The following C2CD3 variants were observed in gnomAD, a reference collection of about 807,000 sequenced individuals.
C2CD3 encodes C2 domain containing 3 centriole elongation regulator, also known as C2 domain-containing protein 3.
C2CD3 carries 148 observed loss-of-function variants against 234.0 expected under a neutral mutation model. The observed-to-expected ratio is 0.63, with a 90% CI of 0.55 to 0.72. C2CD3 has a LOEUF of 0.72. Among genes scored for constraint, C2CD3 ranks in the 30% least tolerant of loss-of-function variants. C2CD3 has a pLI of 0.00. For synonymous variants in C2CD3, 1,000 were observed against 1,035.4 expected, an observed-to-expected ratio of 0.97 and a Z score of 0.66; for missense variants, 2,577 against 2,811.5, an observed-to-expected ratio of 0.92 and a Z score of 1.89.
chr11:74,030,282 T>C (rs113475842), intron 31 of C2CD3, among the ~76,000 whole-genome samples: 192 of 152,330 alleles, frequency 1.3e-3, no homozygotes, highest in African/African-American at 4.4e-3. Flanking sequence ...AATTTATATA[T>C]GTAAAGTGCC....
intron 11 of C2CD3, among the ~76,000 whole-genome samples, chr11:74,112,654 T>G (rs1191086865): frequency 6.6e-6 from 1 of 152,052 alleles, no homozygotes; most frequent in Non-Finnish European, 1.5e-5. Context: ...AATAGACATT[T>G]CTCCAAAGAA....
intron 16 of C2CD3, 53 bp from the exon 17 acceptor site, chr11:74,095,461 A>T: frequency 7.1e-7 from 1 of 1,404,396 alleles, no homozygotes; most frequent in Non-Finnish European, 9.9e-7. Context: ...CTTGCTTAGA[A>T]TATTTCTGCT....
At chr11:74,125,331 C>T (rs1344280131) in intron 7 of C2CD3, among the ~76,000 whole-genome samples, 3 of 152,152 alleles carry the variant, frequency 2.0e-5, no homozygotes, top group South Asian at 2.1e-4. Context: ...ATACACTCGG[C>T]TAATTAAAAA....
At chr11:74,116,502 AG>A (rs1956930956) in intron 9 of C2CD3, among the ~76,000 whole-genome samples, 1 of 152,036 alleles carries the variant, frequency 6.6e-6, no homozygotes, top group South Asian at 2.1e-4. Context: ...TGTGGTGAAA[AG>A]GGAACACTAT....
intron 29 of C2CD3, among the ~76,000 whole-genome samples, chr11:74,039,278 G>C (rs1255454461): frequency 2.0e-5 from 3 of 152,190 alleles, no homozygotes; most frequent in African/African-American, 7.2e-5. Context: ...GTGAAACACA[G>C]GTTTATTAAT....
chr11:74,138,520 T>C (rs1246716478), intron 5 of C2CD3, among the ~76,000 whole-genome samples, 200 bp downstream of exon 5: 1 of 152,240 alleles, frequency 6.6e-6, no homozygotes, highest in African/African-American at 2.4e-5. Flanking sequence ...TTATAAGCAC[T>C]GAGTAATTAT....
chr11:74,037,363 A>T, intron 30 of C2CD3, 115 bp downstream of exon 30: 1 of 825,208 alleles, frequency 1.2e-6, no homozygotes, highest in South Asian at 1.6e-5. Flanking sequence ...GAAGAGGGTG[A>T]AAACAATTGG....
Position 74,033,643 on chromosome 11 carries a change from G to A in C2CD3, c.6517C>T (p.Gln2173Ter). The change falls in exon 31 of 33, where the codon CAG becomes TAG. Residue 2173 changes from glutamine (Q) to a stop codon, truncating the protein, a stop_gained. Transcript: ENST00000334126. LOFTEE classifies it high-confidence loss of function. ...VGGESASANP[Q>*]PIPCPTLSGA... ...GAGAGTGTTGGGCATGGGATGGGCT[G>A]AGGGTTGGCTGAGGCAGACTCGCCA... 6.5e-7 allele frequency: 1 copy of A among 1,536,186 alleles called. No homozygotes were observed.
intron 15 of C2CD3, among the ~76,000 whole-genome samples, chr11:74,099,004 A>G (rs1292721490): frequency 6.6e-6 from 1 of 152,244 alleles, no homozygotes; most frequent in African/African-American, 2.4e-5. Flanking sequence ...AATACCAACT[A>G]TGATGCTTGG....
At chr11:74,140,586 T>C (rs1958021005) in intron 3 of C2CD3, among the ~76,000 whole-genome samples, 2 of 152,318 alleles carry the variant, frequency 1.3e-5, no homozygotes, top group South Asian at 2.1e-4. Flanking sequence ...AGAAGGTACT[T>C]GCGACCTTTC....
chr11:74,119,635 CT>C (rs527594045), intron 8 of C2CD3, among the ~76,000 whole-genome samples: 4,873 of 137,556 alleles, frequency 0.035, 117 homozygotes, highest in African/African-American at 0.089. Flanking sequence ...AGCAATACAA[CT>C]TTTTTTTTTT....
chr11:74,077,726 A>G (rs1424292902), intron 23 of C2CD3, among the ~76,000 whole-genome samples: 4 of 138,708 alleles, frequency 2.9e-5, no homozygotes, highest in Non-Finnish European at 6.3e-5. Context: ...ATGTATACCT[A>G]TGTAATAAAA....
chr11:74,099,453 ATAG>A (rs1223052132), intron 15 of C2CD3, among the ~76,000 whole-genome samples: 3 of 152,374 alleles, frequency 2.0e-5, no homozygotes, highest in Non-Finnish European at 2.9e-5. Context: ...TTATAGGGTT[ATAG>A]TAAGGTTCAA....
intron 32 of C2CD3, among the ~76,000 whole-genome samples, chr11:74,020,644 A>G (rs749419048): frequency 3.3e-5 from 5 of 152,224 alleles, no homozygotes; most frequent in Non-Finnish European, 7.3e-5. Context: ...CTTAGATATA[A>G]GGCTGGCTCC....
chr11:74,037,665 C>A lies in C2CD3; in HGVS notation c.5694G>T (p.Arg1898Ser). ...KNLSELDQIQ[R>S]YFRQKLTKPF... ...GCTTGGTGAGCTTCTGGCGGAAGTACCTCTGAATCTGATCAAGCTCACTCA... is the reference window on the plus strand; with the variant it reads ...GCTTGGTGAGCTTCTGGCGGAAGTAACTCTGAATCTGATCAAGCTCACTCA... Residue 1898 changes from arginine (R) to serine (S), a missense_variant, in exon 30 of 33, where the codon AGG becomes AGT. Physicochemically the swap from Arg to Ser is moderately radical, Grantham distance 110 (BLOSUM62 -1). Transcript: ENST00000334126. 3.7e-6 allele frequency: 6 copies of A among 1,613,974 alleles called. No individual in the cohort carries two copies. Among genetic ancestry groups the A allele is most frequent in the Non-Finnish European group, 5.1e-6 (6 of 1,179,968 alleles).
At chr11:74,048,987 G>A (rs1349091223) in intron 27 of C2CD3, among the ~76,000 whole-genome samples, 1 of 152,120 alleles carries the variant, frequency 6.6e-6, no homozygotes, top group Non-Finnish European at 1.5e-5. Flanking sequence ...TTAAATGAAA[G>A]ACTAATGATA....
chr11:74,064,945 A>G (rs1049757747), intron 24 of C2CD3, among the ~76,000 whole-genome samples: 7 of 152,262 alleles, frequency 4.6e-5, no homozygotes, highest in African/African-American at 1.7e-4. Context: ...CTTAAATGTT[A>G]GACCTAAAAC....
rs755622737 is a variant in C2CD3, at chr11:74,028,386, A to C, written c.6822T>G (p.Ile2274Met). The change falls in exon 32 of 33, where the codon ATT becomes ATG. Residue 2274 changes from isoleucine (I) to methionine (M), a missense_variant. Physicochemically the swap from Ile to Met is conservative, Grantham distance 10 (BLOSUM62 1). Transcript: ENST00000334126. ...TKQSLLLPGP[I>M]VVPNFFLPPQ... ...GAGGCAAAAAGAAGTTGGGCACCAC[A>C]ATGGGCCCTGGGCTACAATGGTAGT... The C allele has an allele frequency of 1.3e-6, 2 of 1,535,272 alleles. No homozygotes were observed. Among genetic ancestry groups the C allele is most frequent in the South Asian group, 2.4e-5 (2 of 84,008 alleles).
At position 74,048,198 on chromosome 11, in the gene C2CD3, C is replaced by T. The variant is rs777050053; in HGVS notation, c.5495+7G>A. 1 of 1,612,186 alleles carries T rather than the reference C, an allele frequency of 6.2e-7. No homozygotes were observed. Among genetic ancestry groups the T allele is most frequent in the South Asian group, 1.1e-5 (1 of 90,656 alleles). On this transcript the variant is annotated splice_region_variant and intron_variant, in intron 28 of 32. Coordinates refer to ENST00000334126, the MANE Select transcript of C2CD3 (RefSeq NM_001286577.2). ...CCATTTCTTCTCATCATCAAGAATT[C>T]ACTCACCTCCCAGGAGAGGAGAAAT...
Sources: gnomAD v4.1 joint callset for allele counts (sites outside exome capture counted in the v4.1 genomes callset) on GRCh38, gnomAD v4.1.1 for gene constraint, MANE v1.5 for transcripts, NCBI Gene and HGNC (gene_info 2026-07-23, HGNC 2026-07-21) for gene names.